Variants in VIPR2 observed in about 807,000 individuals in gnomAD.
VIPR2 encodes vasoactive intestinal polypeptide receptor 2.
VIPR2 carries 48 observed loss-of-function variants against 58.0 expected under a neutral mutation model. The ratio of observed to expected loss-of-function variants is 0.83; its 90% confidence interval spans 0.66 to 1.05. VIPR2 has a LOEUF of 1.05. VIPR2 is among the 50% of genes least tolerant of loss of function. The pLI is 0.00. For missense variants in VIPR2, 534 were observed against 558.0 expected (o/e 0.96, Z 0.43); for synonymous variants, 243 against 235.2 (o/e 1.03, Z -0.30).
chr7:159,117,597 C>T (rs1796287731), intron 2 of VIPR2, among the ~76,000 whole-genome samples: 1 of 152,220 alleles, frequency 6.6e-6, no homozygotes, highest in Admixed American at 6.5e-5. Context: ...CAATGGGCAG[C>T]TCTGGGAGGT....
At chr7:159,047,101 G>T (rs1274367389) in intron 5 of VIPR2, among the ~76,000 whole-genome samples, 1 of 152,172 alleles carries the variant, frequency 6.6e-6, no homozygotes, top group African/African-American at 2.4e-5. Flanking sequence ...CGGGCTTGGT[G>T]GTGGGTGCCT....
At chr7:159,091,018 A>AC (rs1319076337) in intron 4 of VIPR2, among the ~76,000 whole-genome samples, 4 of 146,074 alleles carry the variant, frequency 2.7e-5, no homozygotes, top group African/African-American at 1.0e-4. Context: ...ACACGCTGGG[A>AC]CCACGCACAG....
chr7:159,129,413 C>T (rs1259594454), intron 2 of VIPR2, among the ~76,000 whole-genome samples: 8 of 132,918 alleles, frequency 6.0e-5, no homozygotes, highest in African/African-American at 2.6e-4. Flanking sequence ...GGCCAGGTGA[C>T]CAGCTTCACA....
chr7:159,136,437 T>C (rs1281605109), intron 2 of VIPR2, among the ~76,000 whole-genome samples: 1 of 152,062 alleles, frequency 6.6e-6, no homozygotes, highest in Non-Finnish European at 1.5e-5. Context: ...ATTCAAACCA[T>C]AGCAAATCAA....
At chr7:159,131,830 T>C (rs1330509584) in intron 2 of VIPR2, among the ~76,000 whole-genome samples, 1 of 152,200 alleles carries the variant, frequency 6.6e-6, no homozygotes, top group Non-Finnish European at 1.5e-5. Context: ...AGGTCTCAAA[T>C]TACCTCAACC....
intron 2 of VIPR2, among the ~76,000 whole-genome samples, chr7:159,133,848 A>C (rs556396628): frequency 1.3e-5 from 2 of 152,356 alleles, no homozygotes; most frequent in African/African-American, 4.8e-5. Flanking sequence ...TAACTTGAGT[A>C]ATCTTTAATA....
intron 8 of VIPR2, among the ~76,000 whole-genome samples, chr7:159,035,514 G>A (rs1853880348): frequency 1.3e-5 from 2 of 152,240 alleles, no homozygotes. Flanking sequence ...GTCTCGCTCA[G>A]GGAGAGCATA....
chr7:159,046,316 T>C (rs1004620859), intron 5 of VIPR2, among the ~76,000 whole-genome samples: 2 of 152,190 alleles, frequency 1.3e-5, no homozygotes. Flanking sequence ...ACAGTTCAAA[T>C]GTCCATGAGC....
chr7:159,103,590 A>T (rs2129495915), intron 4 of VIPR2, among the ~76,000 whole-genome samples, 167 bp downstream of exon 4: 1 of 152,330 alleles, frequency 6.6e-6, no homozygotes, highest in Non-Finnish European at 1.5e-5. Context: ...TGCCAGCAGC[A>T]GAACGGAAAC....
intron 8 of VIPR2, among the ~76,000 whole-genome samples, chr7:159,035,056 C>T (rs1387377382): frequency 1.3e-5 from 2 of 152,204 alleles, no homozygotes; most frequent in African/African-American, 4.8e-5. Context: ...TCCTTAGAGC[C>T]ACCAGCTCTC....
chr7:159,109,952 A>G, intron 2 of VIPR2, 33 bp from the exon 3 acceptor site: 7 of 1,602,842 alleles, frequency 4.4e-6, no homozygotes, highest in Non-Finnish European at 6.0e-6. Context: ...AGGCAGGTGC[A>G]AGGTGACAGA....
chr7:159,079,638 G>A (rs576590384), intron 4 of VIPR2, among the ~76,000 whole-genome samples: 1 of 152,106 alleles, frequency 6.6e-6, no homozygotes, highest in African/African-American at 2.4e-5. Context: ...GAAGGAAATA[G>A]AGACACAAAA....
chr7:159,059,385 C>T (rs975588146), intron 4 of VIPR2: 8 of 470,346 alleles, frequency 1.7e-5, no homozygotes, highest in East Asian at 6.9e-5. Context: ...AAACAATCCA[C>T]GTGTGCTTAT....
chr7:159,036,917 CAGAGG>C lies in VIPR2; in HGVS notation c.598-20_598-16del. The C allele has an allele frequency of 1.2e-6, 2 of 1,608,868 alleles. No individual in the cohort carries two copies. The highest frequency in any genetic ancestry group is 1.7e-6 in the Non-Finnish European group (2 of 1,176,448). ...TTGCAGCCCACCTGGAAACCGCAAACAGAGGAGAGGAAAGCATGACCTCATCCGGT... is the reference window on the plus strand; with the variant it reads ...TTGCAGCCCACCTGGAAACCGCAAACAGAGGAAAGCATGACCTCATCCGGT... On this transcript the variant is annotated splice_polypyrimidine_tract_variant and intron_variant, in intron 6 of 12. Transcript: ENST00000262178.
rs891133304 is a variant in VIPR2, at chr7:159,099,369, C to T, written c.357+4388G>A. Among the ~76,000 whole-genome samples, 5 of 152,166 alleles carry T rather than the reference C, an allele frequency of 3.3e-5. No homozygotes were observed. The highest frequency in any genetic ancestry group is 2.6e-4 in the Admixed American group (4 of 15,276). ...CAGGCCTCGATGAAGGACCAGTGGA[C>T]CCAGAAGAGCTTGCCACGTGTCCCT... On this transcript the variant is annotated intron_variant, in intron 4 of 12. Transcript: ENST00000262178. This position sits in a 1 kb window ranked among gnomAD's most constrained non-coding sequence, Gnocchi z 4.2.
Position 159,108,540 on chromosome 7 carries a change from C to A in VIPR2, c.259+1272G>T, listed in dbSNP as rs563905395. ...CTGCTTGGGAAAAAGGTGGAATAAG[C>A]ATTTAACCCAAAGCCAACTGGGAGT... On this transcript the variant is annotated intron_variant, in intron 3 of 12. Transcript: ENST00000262178. Among the ~76,000 whole-genome samples, 6 of 152,326 alleles carry A rather than the reference C, an allele frequency of 3.9e-5. No individual in the cohort carries two copies. The East Asian group carries it at 1.2e-3, about 29-fold the overall frequency.
chr7:159,101,088 G>A (rs565607759), intron 4 of VIPR2, among the ~76,000 whole-genome samples: 1 of 148,026 alleles, frequency 6.8e-6, no homozygotes, highest in South Asian at 2.2e-4. Flanking sequence ...GTAGTGAACG[G>A]GTCTCACGAG....
intron 4 of VIPR2, among the ~76,000 whole-genome samples, chr7:159,070,956 A>G (rs1425850015): frequency 2.0e-5 from 3 of 152,142 alleles, no homozygotes; most frequent in African/African-American, 7.2e-5. Context: ...CAGCACACGA[A>G]ACGGCACGCC....
At chr7:159,104,595 A>G (rs75057156) in intron 3 of VIPR2, among the ~76,000 whole-genome samples, 171 of 73,430 alleles carry the variant, frequency 2.3e-3, no homozygotes, top group Middle Eastern at 0.01. Context: ...GTGACCGGGT[A>G]CCCCACCTGC....
Sources: gnomAD v4.1 joint callset for allele counts (sites outside exome capture counted in the v4.1 genomes callset) on GRCh38, gnomAD v4.1.1 for gene constraint, Gnocchi (gnomAD v3.1) non-coding constraint, MANE v1.5 for transcripts, NCBI Gene and HGNC (gene_info 2026-07-23, HGNC 2026-07-21) for gene names.